MAGI2: variants seen among roughly 807,000 people sequenced by gnomAD.
MAGI2 encodes the protein membrane-associated guanylate kinase, WW and PDZ domain-containing protein 2.
A neutral mutation model predicts 133.3 loss-of-function variants in MAGI2; 35 were observed. The ratio of observed to expected loss-of-function variants is 0.26; its 90% CI spans 0.20 to 0.35. MAGI2 has a LOEUF of 0.35. Ranked by LOEUF, MAGI2 falls within the 10% of genes least tolerant of loss-of-function variation. The pLI, the probability that MAGI2 is intolerant of heterozygous loss-of-function variation, is 1.00. For missense variants in MAGI2, 1,636 were observed against 1,863.4 expected (o/e 0.88, Z 2.25); for synonymous variants, 729 against 710.6 (o/e 1.03, Z -0.41).
chr7:79,004,125 G>T (rs1294911739), intron 2 of MAGI2, among the ~76,000 whole-genome samples: 1 of 152,122 alleles, frequency 6.6e-6, no homozygotes, highest in African/African-American at 2.4e-5. Context: ...ATAAATATAG[G>T]AGATCAGCAT....
At chr7:78,342,422 C>T (rs941415450) in intron 9 of MAGI2, among the ~76,000 whole-genome samples, 1 of 152,118 alleles carries the variant, frequency 6.6e-6, no homozygotes, top group Non-Finnish European at 1.5e-5. Context: ...GGATCTAGAA[C>T]CAGAATTACC....
At chr7:79,086,172 A>G (rs1816469660) in intron 1 of MAGI2, among the ~76,000 whole-genome samples, 1 of 151,870 alleles carries the variant, frequency 6.6e-6, no homozygotes, top group South Asian at 2.1e-4. Context: ...ATTGTTAGTG[A>G]TTGTTTTCAG....
intron 6 of MAGI2, among the ~76,000 whole-genome samples, chr7:78,483,880 GAATA>G (rs1418246330): frequency 6.6e-6 from 1 of 151,916 alleles, no homozygotes; most frequent in Non-Finnish European, 1.5e-5. Flanking sequence ...TTTAGTACTT[GAATA>G]GTTAATACTG....
At chr7:79,180,376 C>T (rs1160817857) in intron 1 of MAGI2, among the ~76,000 whole-genome samples, 2 of 151,964 alleles carry the variant, frequency 1.3e-5, no homozygotes, top group Non-Finnish European at 2.9e-5. Flanking sequence ...GCTGGGGAGG[C>T]CTCACAATCA....
intron 2 of MAGI2, among the ~76,000 whole-genome samples, chr7:78,719,638 T>G (rs992885264): frequency 3.9e-5 from 6 of 152,214 alleles, no homozygotes; most frequent in African/African-American, 1.4e-4. Flanking sequence ...ACAAAGGTCA[T>G]GCCAAGGGTT....
intron 2 of MAGI2, among the ~76,000 whole-genome samples, chr7:78,941,530 T>G (rs1800970911): frequency 8.5e-5 from 13 of 152,170 alleles, no homozygotes. Flanking sequence ...TATACAGGGT[T>G]TTGCCCTGTT....
intron 2 of MAGI2, among the ~76,000 whole-genome samples, chr7:78,650,671 C>T (rs374867218): frequency 0.012 from 1,757 of 152,010 alleles, 14 homozygotes; most frequent in Non-Finnish European, 0.017. Flanking sequence ...AAAATATAAT[C>T]ATTACCATTC....
chr7:79,168,930 A>ATG (rs1190668360), intron 1 of MAGI2, among the ~76,000 whole-genome samples: 1 of 122,638 alleles, frequency 8.2e-6, no homozygotes, highest in South Asian at 2.5e-4. Context: ...ATATATATAT[A>ATG]TATAAATTTT....
At chr7:79,302,928 G>A (rs1837497650) in intron 1 of MAGI2, among the ~76,000 whole-genome samples, 1 of 152,114 alleles carries the variant, frequency 6.6e-6, no homozygotes, top group Admixed American at 6.6e-5. Context: ...AGATATTAGA[G>A]GATGTACTGG....
At chr7:79,322,084 GA>G (rs1054438918) in intron 1 of MAGI2, among the ~76,000 whole-genome samples, 12 of 151,576 alleles carry the variant, frequency 7.9e-5, no homozygotes, top group Admixed American at 1.3e-4. Flanking sequence ...TTTTTCAATA[GA>G]AAAAAAATTA....
At chr7:78,154,398 C>T (rs191613841) in intron 16 of MAGI2, among the ~76,000 whole-genome samples, 4 of 152,288 alleles carry the variant, frequency 2.6e-5, no homozygotes, top group Non-Finnish European at 5.9e-5. Context: ...GAGCCAGCAG[C>T]GTGCTGACCA....
Position 78,458,304 on chromosome 7 carries a change from A to G in MAGI2, c.1045+31457T>C, listed in dbSNP as rs78933657. ...GGCAAAACTCGGTCTCAAAAAAAAA[A>G]AAAAAGAATAAAAGAGTAAAATTGA... is the stretch of plus-strand genomic sequence containing the variant. On this transcript the variant is annotated intron_variant, in intron 6 of 21. Transcript: ENST00000354212. Among the ~76,000 whole-genome samples the G allele has an allele frequency of 1.5e-3, 169 of 116,318 alleles. 2 individuals carry two copies. Among genetic ancestry groups the G allele is most frequent in the African/African-American group, 4.0e-3 (125 of 31,500 alleles). The allele number at this position is 116,318 out of a possible 152,430, so 76.3% of individuals were successfully genotyped here.
intron 11 of MAGI2, among the ~76,000 whole-genome samples, chr7:78,196,259 C>T (rs1828722762): frequency 1.3e-5 from 2 of 152,044 alleles, no homozygotes; most frequent in South Asian, 2.1e-4. Context: ...CGCCCTGTCC[C>T]TCCTGCCCCT....
chr7:78,080,963 G>A (rs768895463), intron 20 of MAGI2, among the ~76,000 whole-genome samples: 10 of 151,994 alleles, frequency 6.6e-5, no homozygotes, highest in South Asian at 2.1e-4. Flanking sequence ...TCCCTCTCCC[G>A]CCAACCTCTT....
In MAGI2 at chr7:78,944,331, GC is replaced by G. The variant is rs373206794; in HGVS notation, c.418+62758del. Among the ~76,000 whole-genome samples the G allele has an allele frequency of 3.6e-4, 55 of 152,164 alleles. No homozygotes were observed. In the East Asian group the frequency reaches 8.7e-3, roughly 24 times the overall value. On this transcript the variant is annotated intron_variant, in intron 2 of 21. Coordinates refer to ENST00000354212, the MANE Select transcript of MAGI2 (RefSeq NM_012301.4). Reference sequence around the variant, plus strand: ...CTGTGCTTCAGGCCTTTCAGTGGCTGCCCCTCATTGAGTAGCATTTCTTCAT... The same window carrying G: ...CTGTGCTTCAGGCCTTTCAGTGGCTGCCCTCATTGAGTAGCATTTCTTCAT...
At chr7:78,046,412 A>C (rs12705205) in intron 21 of MAGI2, among the ~76,000 whole-genome samples, 59,236 of 112,822 alleles carry the variant, frequency 0.53, 12,318 homozygotes, top group African/African-American at 0.65. Context: ...AAAAAAAAAC[A>C]AAAAAAAAAC....
chr7:79,023,053 A>C (rs1809503327), intron 1 of MAGI2, among the ~76,000 whole-genome samples: 1 of 152,218 alleles, frequency 6.6e-6, no homozygotes, highest in Non-Finnish European at 1.5e-5. Flanking sequence ...CTTCAGGCTA[A>C]TATCATTTAT....
chr7:79,396,901 G>A (rs1200611721), intron 1 of MAGI2, among the ~76,000 whole-genome samples: 1 of 151,984 alleles, frequency 6.6e-6, no homozygotes, highest in African/African-American at 2.4e-5. Flanking sequence ...TGAACACCTT[G>A]ACGGTTAGTA....
intron 1 of MAGI2, among the ~76,000 whole-genome samples, chr7:79,329,149 C>G (rs975270866): frequency 1.3e-5 from 2 of 152,170 alleles, no homozygotes; most frequent in African/African-American, 4.8e-5. Flanking sequence ...AGCCCATTTT[C>G]TAGGACACAG....
Sources: gnomAD v4.1 joint callset for allele counts (sites outside exome capture counted in the v4.1 genomes callset) on GRCh38, gnomAD v4.1.1 for gene constraint, MANE v1.5 for transcripts, NCBI Gene and HGNC (gene_info 2026-07-23, HGNC 2026-07-21) for gene names.